The following VIRMA variants were observed in gnomAD, a reference collection of about 807,000 sequenced individuals.
VIRMA encodes vir like m6A methyltransferase associated.
VIRMA carries 65 observed loss-of-function variants against 182.4 expected under a neutral mutation model. The observed-to-expected ratio is 0.36, with a 90% CI of 0.29 to 0.44. VIRMA has a LOEUF of 0.44. Among genes scored for constraint, VIRMA ranks in the 20% least tolerant of loss-of-function variants. VIRMA has a pLI of 1.00. For synonymous variants in VIRMA, 709 were observed against 743.1 expected (o/e 0.95, Z 0.75); for missense variants, 1,752 against 2,158.1 (o/e 0.81, Z 3.73).
chr8:94,538,628 T>C (rs1415891857), intron 2 of VIRMA, among the ~76,000 whole-genome samples: 1 of 152,086 alleles, frequency 6.6e-6, no homozygotes, highest in Non-Finnish European at 1.5e-5. Context: ...GAGACGGTGT[T>C]ACAGAGTTTC....
chr8:94,521,594 T>G (rs1814773086), intron 8 of VIRMA, among the ~76,000 whole-genome samples: 1 of 152,174 alleles, frequency 6.6e-6, no homozygotes, highest in East Asian at 1.9e-4. Flanking sequence ...ATAAAATTAT[T>G]TATAATTCTG....
intron 21 of VIRMA, among the ~76,000 whole-genome samples, chr8:94,492,301 A>G: frequency 8.9e-6 from 1 of 112,138 alleles, no homozygotes; most frequent in Non-Finnish European, 2.0e-5. Flanking sequence ...TTTTTTTTTG[A>G]GAGACAGAGT....
rs756868424 is a variant in VIRMA at position 94,511,430 on chromosome 8, G to A, written c.3145C>T (p.Leu1049Phe). ...TCATCACTATCCAAACGACCTGAGAGGGGGATAGAGCACAGGAGCATATGT... is the reference window on the plus strand; with the variant it reads ...TCATCACTATCCAAACGACCTGAGAAGGGGATAGAGCACAGGAGCATATGT... ...TLHMLLCSIP[L>F]SGRLDSDEQK... Residue 1049 changes from leucine to phenylalanine, a missense_variant, in exon 13 of 24, where the codon CTC becomes TTC. Physicochemically the swap from Leu to Phe is conservative, Grantham distance 22 (BLOSUM62 0). This residue lies in a region of VIRMA where 777 missense variants were observed against 920.6 expected (regional missense o/e 0.84). Coordinates refer to ENST00000297591, the MANE Select transcript of VIRMA (RefSeq NM_015496.5). 6.2e-7 allele frequency: 1 copy of A among 1,614,036 alleles called. No homozygotes were observed. Among genetic ancestry groups the A allele is most frequent in the East Asian group, 2.2e-5 (1 of 44,872 alleles).
chr8:94,495,771 G>A lies in VIRMA; in HGVS notation c.4504C>T (p.Leu1502Phe). 5.6e-6 allele frequency: 9 copies of A among 1,613,918 alleles called. No individual in the cohort carries two copies. The highest frequency in any genetic ancestry group is 7.6e-6 in the Non-Finnish European group (9 of 1,179,900). ...TTCTGAAGAGATTCTGGAGCTGAAA[G>A]TACTGGTTCTACATCCTGGTCACTG... is the stretch of plus-strand genomic sequence containing the variant. ...PLSDQDVEPV[L>F]SAPESLQNLF... Residue 1502 changes from leucine (L) to phenylalanine (F), a missense_variant, in exon 19 of 24, where the codon CTT (leucine) becomes TTT (phenylalanine). This residue lies in a region of VIRMA where 777 missense variants were observed against 920.6 expected (regional missense o/e 0.84). Coordinates refer to ENST00000297591, the MANE Select transcript of VIRMA (RefSeq NM_015496.5).
chr8:94,523,973 T>C (rs1225654593), intron 8 of VIRMA, among the ~76,000 whole-genome samples: 1 of 144,732 alleles, frequency 6.9e-6, no homozygotes, highest in Non-Finnish European at 1.5e-5. Context: ...TTTGTGTGTG[T>C]CTGTGTGTGT....
intron 23 of VIRMA, among the ~76,000 whole-genome samples, 180 bp from the exon 24 acceptor site, chr8:94,489,040 A>G (rs1462698313): frequency 3.3e-5 from 5 of 152,248 alleles, no homozygotes; most frequent in Non-Finnish European, 7.3e-5. Flanking sequence ...GGTAAACTAT[A>G]TGGTATATGA....
intron 9 of VIRMA, 25 bp from the exon 10 acceptor site, chr8:94,517,967 T>C: frequency 6.3e-7 from 1 of 1,579,798 alleles, no homozygotes; most frequent in Non-Finnish European, 8.6e-7. Context: ...GGTTTTTAAG[T>C]TTTGGATACA....
Position 94,496,495 on chromosome 8 carries a change from C to A in VIRMA, c.4231-15G>T. ...CCACAGCATCCCTGTAAATGTCACACATAAGTTAAATTTGAGAACAGAGAA... is the reference window on the plus strand; with the variant it reads ...CCACAGCATCCCTGTAAATGTCACAAATAAGTTAAATTTGAGAACAGAGAA... On this transcript the variant is annotated splice_polypyrimidine_tract_variant and intron_variant, in intron 17 of 23. Coordinates refer to ENST00000297591, the MANE Select transcript of VIRMA (RefSeq NM_015496.5). 1 of 1,596,812 alleles carries A rather than the reference C, an allele frequency of 6.3e-7. No homozygotes were observed. The highest frequency in any genetic ancestry group is 8.5e-7 in the Non-Finnish European group (1 of 1,173,014).
intron 22 of VIRMA, 76 bp downstream of exon 22, chr8:94,491,502 C>T: frequency 7.6e-7 from 1 of 1,318,424 alleles, no homozygotes; most frequent in Non-Finnish European, 1.1e-6. Flanking sequence ...GAATCTCTTC[C>T]ATCTAAATCA....
chr8:94,529,435 T>G (rs3098719), intron 6 of VIRMA, 93 bp from the exon 7 acceptor site: 2 of 661,752 alleles, frequency 3.0e-6, no homozygotes, highest in African/African-American at 1.8e-5. Context: ...AATATTTTGG[T>G]TGATATAGTT....
At chr8:94,530,932 G>A (rs769468152) in intron 6 of VIRMA, 31 bp downstream of exon 6, 19 of 1,589,674 alleles carry the variant, frequency 1.2e-5, no homozygotes, top group Admixed American at 7.2e-5. Context: ...TTAACTAGGG[G>A]GGAAAACCTT....
At chr8:94,538,414 A>C in intron 2 of VIRMA, 68 bp from the exon 3 acceptor site, 3 of 946,590 alleles carry the variant, frequency 3.2e-6, no homozygotes, top group Non-Finnish European at 5.1e-6. Context: ...AACAAATAAC[A>C]TAGTAAGTAC....
intron 1 of VIRMA, chr8:94,547,126 A>C (rs1815799119): frequency 2.4e-6 from 1 of 412,166 alleles, no homozygotes; most frequent in African/African-American, 2.1e-5. Context: ...ATTGCCTCTT[A>C]TCTCTCCCAT....
chr8:94,551,702 C>T (rs1261435659), intron 1 of VIRMA, among the ~76,000 whole-genome samples: 1 of 152,190 alleles, frequency 6.6e-6, no homozygotes. Context: ...TAATTCATCA[C>T]ATGCCTCTTT....
chr8:94,506,136 G>A (rs2130292785), intron 16 of VIRMA, among the ~76,000 whole-genome samples: 1 of 152,222 alleles, frequency 6.6e-6, no homozygotes, highest in South Asian at 2.1e-4. Context: ...CACAGAATCT[G>A]CATTTTAGCT....
intron 10 of VIRMA, among the ~76,000 whole-genome samples, chr8:94,517,450 G>C (rs759574860): frequency 6.6e-6 from 1 of 152,172 alleles, no homozygotes; most frequent in Non-Finnish European, 1.5e-5. Flanking sequence ...TGATCCACCC[G>C]CCTTGGCCTC....
intron 22 of VIRMA, among the ~76,000 whole-genome samples, chr8:94,491,211 G>C (rs1484476826): frequency 6.6e-6 from 1 of 151,694 alleles, no homozygotes. Flanking sequence ...ATACTTGGGA[G>C]GCTGAGGCAG....
chr8:94,521,955 T>C (rs1814785451), intron 8 of VIRMA, among the ~76,000 whole-genome samples: 1 of 151,804 alleles, frequency 6.6e-6, no homozygotes, highest in Non-Finnish European at 1.5e-5. Context: ...ACTGGCTAAC[T>C]TCTGGGAACT....
At chr8:94,519,651 A>G (rs558580352) in intron 8 of VIRMA, among the ~76,000 whole-genome samples, 175 bp from the exon 9 acceptor site, 3 of 152,334 alleles carry the variant, frequency 2.0e-5, no homozygotes, top group East Asian at 1.9e-4. Flanking sequence ...ATGAGGCCAA[A>G]TAAGAGTGAA....
Sources: allele counts gnomAD v4.1 joint callset (sites outside exome capture counted in the v4.1 genomes callset), GRCh38; gene constraint gnomAD v4.1.1; regional missense constraint gnomAD v4.1.1; transcripts MANE v1.5; gene names NCBI Gene and HGNC (gene_info 2026-07-23, HGNC 2026-07-21).